TCF4: variants seen among roughly 807,000 people sequenced by gnomAD.
TCF4 encodes transcription factor 4.
In TCF4, 3 loss-of-function variants were observed where a neutral mutation model predicts 82.1. The ratio of observed to expected loss-of-function variants is 0.04; its 90% CI spans 0.02 to 0.09. The LOEUF (loss-of-function observed/expected upper bound fraction) is 0.09, where lower values mean the gene tolerates loss of function less well. TCF4 is among the 10% of genes least tolerant of loss of function. The probability of loss-of-function intolerance (pLI) is 1.00; values close to 1 mark genes in which losing one functional copy is unlikely to be tolerated. For missense variants in TCF4, 518 were observed against 852.7 expected, an observed-to-expected ratio of 0.61 and a Z score of 4.89; for synonymous variants, 276 against 309.6, an observed-to-expected ratio of 0.89 and a Z score of 1.14.
Position 55,419,197 on chromosome 18 carries a change from A to C in TCF4, c.305-15679T>G, listed in dbSNP as rs2094635408. Among the ~76,000 whole-genome samples the C allele has an allele frequency of 2.6e-5, 4 of 152,230 alleles. No homozygotes were observed. The South Asian group carries it at 6.2e-4, about 24-fold the overall frequency. ...CCAAACCATCAGTAAAATGTAGCTGAAACTTTAATAATGTGGACAGAAAAT... is the reference window on the plus strand; with the variant it reads ...CCAAACCATCAGTAAAATGTAGCTGCAACTTTAATAATGTGGACAGAAAAT... On this transcript the variant is annotated intron_variant, in intron 5 of 19. Transcript: ENST00000354452.
chr18:55,423,079 T>G (rs1346448218), intron 5 of TCF4, among the ~76,000 whole-genome samples: 1 of 150,990 alleles, frequency 6.6e-6, no homozygotes, highest in East Asian at 2.0e-4. Flanking sequence ...TTGGGGGAAG[T>G]TGAAAAGGGC....
chr18:55,323,462 C>A (rs2076050228), intron 8 of TCF4, among the ~76,000 whole-genome samples: 1 of 151,994 alleles, frequency 6.6e-6, no homozygotes, highest in Admixed American at 6.5e-5. Flanking sequence ...CTAAAATAAA[C>A]ACACACACAC....
intron 5 of TCF4, among the ~76,000 whole-genome samples, chr18:55,425,465 A>G (rs1446544176): frequency 6.6e-6 from 1 of 151,388 alleles, no homozygotes; most frequent in African/African-American, 2.4e-5. Flanking sequence ...TGGATCCTAT[A>G]ATTTTTATGC....
chr18:55,518,632 TA>T (rs1374699485), intron 3 of TCF4, among the ~76,000 whole-genome samples: 3 of 152,160 alleles, frequency 2.0e-5, no homozygotes, highest in Non-Finnish European at 2.9e-5. Context: ...AACCGTGAGA[TA>T]ACACATGTGA....
chr18:55,485,792 G>A (rs926773529), intron 3 of TCF4, among the ~76,000 whole-genome samples: 1 of 152,200 alleles, frequency 6.6e-6, no homozygotes, highest in African/African-American at 2.4e-5. Context: ...TCTACAGCTT[G>A]CATTGGATTT....
intron 3 of TCF4, among the ~76,000 whole-genome samples, chr18:55,464,690 T>C (rs1253397695): frequency 2.6e-5 from 4 of 152,158 alleles, no homozygotes; most frequent in Non-Finnish European, 4.4e-5. Flanking sequence ...ACAAAACTTT[T>C]TTTTAGGTTA....
chr18:55,475,682 A>T (rs2096275174), intron 3 of TCF4, among the ~76,000 whole-genome samples: 1 of 152,230 alleles, frequency 6.6e-6, no homozygotes, highest in Non-Finnish European at 1.5e-5. Flanking sequence ...TTCCTTACAT[A>T]TCTTCACGTC....
intron 10 of TCF4, among the ~76,000 whole-genome samples, chr18:55,271,573 G>A (rs1012047945): frequency 1.2e-4 from 19 of 152,094 alleles, no homozygotes; most frequent in African/African-American, 3.4e-4. Context: ...AAAGACTTCC[G>A]TAAAAAAGTT....
chr18:55,389,483 C>G (rs2092897453), intron 6 of TCF4, among the ~76,000 whole-genome samples: 1 of 152,134 alleles, frequency 6.6e-6, no homozygotes, highest in Admixed American at 6.5e-5. Context: ...CATCCAGGGT[C>G]CCTGAATCTT....
intron 6 of TCF4, among the ~76,000 whole-genome samples, chr18:55,372,046 T>G (rs1006859633): frequency 6.6e-6 from 1 of 152,216 alleles, no homozygotes; most frequent in Non-Finnish European, 1.5e-5. Flanking sequence ...TGAAAGCATT[T>G]AGAATGTGTA....
rs144247503 is a variant in TCF4, at chr18:55,343,916, T to G, written c.549+6443A>C. ...AGAAATTGATCAAGGCTGAAAATCC[T>G]GTGCTATTGCTTTGAGGTGCAATTT... On this transcript the variant is annotated intron_variant, in intron 8 of 19. Coordinates refer to ENST00000354452, the MANE Select transcript of TCF4 (RefSeq NM_001083962.2). 5.2e-4 allele frequency among the ~76,000 whole-genome samples: 79 copies of G among 152,294 alleles called. 1 individual carries two copies. The East Asian group carries it at 0.014, about 27-fold the overall frequency.
intron 8 of TCF4, among the ~76,000 whole-genome samples, chr18:55,343,606 G>T (rs184975891): frequency 3.9e-5 from 6 of 152,166 alleles, no homozygotes; most frequent in African/African-American, 1.4e-4. Flanking sequence ...TTTCAACCCT[G>T]AAATTTTACA....
At chr18:55,489,387 G>A (rs1163294463) in intron 3 of TCF4, among the ~76,000 whole-genome samples, 1 of 152,064 alleles carries the variant, frequency 6.6e-6, no homozygotes, top group Non-Finnish European at 1.5e-5. Flanking sequence ...TGGGAGGCAC[G>A]TTGCCTACAA....
At chr18:55,479,846 C>T (rs1038973694) in intron 3 of TCF4, among the ~76,000 whole-genome samples, 6 of 152,134 alleles carry the variant, frequency 3.9e-5, no homozygotes, top group Admixed American at 1.3e-4. Flanking sequence ...AACAGACTTC[C>T]GTGAATTCTG....
intron 3 of TCF4, among the ~76,000 whole-genome samples, chr18:55,525,367 C>T (rs2096971848): frequency 6.6e-6 from 1 of 151,824 alleles, no homozygotes; most frequent in Admixed American, 6.6e-5. Flanking sequence ...GAAGAAATAC[C>T]ACACTCTAAA....
rs1569192843 is a variant in TCF4, at chr18:55,362,438, A to AGGAAGGAAGG, written c.370-11436_370-11435insCCTTCCTTCC. Among the ~76,000 whole-genome samples, 112 of 124,550 alleles carry AGGAAGGAAGG rather than the reference A, an allele frequency of 9.0e-4. 2 individuals carry two copies. Among genetic ancestry groups the AGGAAGGAAGG allele is most frequent in the African/African-American group, 3.1e-3 (89 of 28,406 alleles). 81.7% of individuals were successfully genotyped at this position (124,550 alleles called of 152,430 possible). The stretch of plus-strand genomic sequence containing the variant: ...GGAAGGAAGGAAGGAAGGAAGGAAA[A>AGGAAGGAAGG]AAAAAAAGAAGAAAACATGTATCTG... On this transcript the variant is annotated intron_variant, in intron 6 of 19. Transcript: ENST00000354452.
At chr18:55,458,222 C>A (rs2095804528) in intron 5 of TCF4, among the ~76,000 whole-genome samples, 1 of 152,184 alleles carries the variant, frequency 6.6e-6, no homozygotes, top group African/African-American at 2.4e-5. Flanking sequence ...ATTTCTGATG[C>A]TATAGCTTTT....
chr18:55,443,448 A>G (rs995642780), intron 5 of TCF4, among the ~76,000 whole-genome samples: 1 of 152,202 alleles, frequency 6.6e-6, no homozygotes, highest in Admixed American at 6.5e-5. Flanking sequence ...CAGCACCTGT[A>G]TTGAGTAGCT....
intron 15 of TCF4, among the ~76,000 whole-genome samples, chr18:55,252,141 A>G (rs895712822): frequency 2.0e-5 from 3 of 152,128 alleles, no homozygotes; most frequent in Non-Finnish European, 4.4e-5. Context: ...TGAGGAGCTC[A>G]GATTCTGGGG....
Sources: allele counts gnomAD v4.1 joint callset (sites outside exome capture counted in the v4.1 genomes callset), GRCh38; gene constraint gnomAD v4.1.1; transcripts MANE v1.5; gene names NCBI Gene and HGNC (gene_info 2026-07-23, HGNC 2026-07-21).